Variants in AMMECR1 observed in about 807,000 individuals in gnomAD.
AMMECR1 encodes AMMECR nuclear protein 1.
A neutral mutation model predicts 22.5 loss-of-function variants in AMMECR1; 3 were observed. The ratio of observed to expected loss-of-function variants is 0.13; its 90% CI spans 0.06 to 0.35. AMMECR1 has a LOEUF of 0.35. AMMECR1 is among the 10% of genes least tolerant of loss of function. AMMECR1 has a pLI of 1.00. For synonymous variants in AMMECR1, 130 were observed against 116.7 expected, an observed-to-expected ratio of 1.11 and a Z score of -0.74; for missense variants, 235 against 278.7, an observed-to-expected ratio of 0.84 and a Z score of 1.12.
At chrX:110,258,880 A>G (rs111309541) in intron 2 of AMMECR1, among the ~76,000 whole-genome samples, 1,535 of 111,890 alleles carry the variant, frequency 0.014, 25 homozygotes, top group African/African-American at 0.047. Context: ...CAATGAGCCT[A>G]GAGTGGTTAC....
chrX:110,417,791 A>G (rs1299706447), intron 2 of AMMECR1, among the ~76,000 whole-genome samples: 1 of 112,345 alleles, frequency 8.9e-6, no homozygotes, highest in Non-Finnish European at 1.9e-5. Flanking sequence ...TGCAGATATT[A>G]TTTTACTGGC....
At chrX:110,351,007 T>C (rs2068209268) in intron 2 of AMMECR1, among the ~76,000 whole-genome samples, 1 of 111,691 alleles carries the variant, frequency 9.0e-6, no homozygotes, top group Non-Finnish European at 1.9e-5. Context: ...AGGATTTCAT[T>C]GCATCAAAAG....
intron 2 of AMMECR1, among the ~76,000 whole-genome samples, chrX:110,347,267 T>C (rs966559236): frequency 3.5e-5 from 4 of 113,421 alleles, no homozygotes; most frequent in Non-Finnish European, 7.5e-5. Flanking sequence ...CTGCTATTGT[T>C]AGCTTGCTTT....
intron 1 of AMMECR1, among the ~76,000 whole-genome samples, chrX:110,310,396 C>T (rs1211506236): frequency 9.0e-6 from 1 of 111,010 alleles, no homozygotes; most frequent in African/African-American, 3.3e-5. Flanking sequence ...CCTGCAGTGC[C>T]TCTCCATGCA....
At chrX:110,258,873 T>C (rs2067724108) in intron 2 of AMMECR1, among the ~76,000 whole-genome samples, 1 of 111,683 alleles carries the variant, frequency 9.0e-6, no homozygotes, top group African/African-American at 3.3e-5. Context: ...GTGTTCACAA[T>C]GAGCCTAGAG....
intron 2 of AMMECR1, among the ~76,000 whole-genome samples, chrX:110,324,967 G>A (rs1161095725): frequency 9.0e-6 from 1 of 110,526 alleles, no homozygotes; most frequent in African/African-American, 3.3e-5. Flanking sequence ...CTTTTCTTGT[G>A]ATGTTTTTGT....
At chrX:110,437,621 C>T in intron 1 of AMMECR1, among the ~76,000 whole-genome samples, 1 of 111,868 alleles carries the variant, frequency 8.9e-6, no homozygotes, top group East Asian at 2.8e-4. Flanking sequence ...CTCTTCATAC[C>T]TTATAGCTCT....
chrX:110,197,905 T>C lies in AMMECR1; in HGVS notation c.*615A>G, dbSNP rs1350991544. 8.9e-6 allele frequency: 1 copy of C among 111,868 alleles called. No individual in the cohort carries two copies. Among genetic ancestry groups the C allele is most frequent in the East Asian group, 2.8e-4 (1 of 3,607 alleles). The allele number at this position is 111,868 out of a possible 1,213,427, so 9.2% of individuals were successfully genotyped here. A position where few individuals can be genotyped will look rare whatever the true frequency, so the allele number is the denominator to read the frequency against. ...AACTAAAGTTCATGTATTTTCACCA[T>C]GGGAAAAACATATACTTAAGGAGTG... On this transcript the variant is annotated 3_prime_UTR_variant, in exon 6 of 6. Transcript: ENST00000262844.
chrX:110,397,527 T>C (rs1259297557), intron 2 of AMMECR1, among the ~76,000 whole-genome samples: 1 of 110,622 alleles, frequency 9.0e-6, no homozygotes, highest in Non-Finnish European at 1.9e-5. Flanking sequence ...GGCTAGAACC[T>C]CAGGGCTGGG....
chrX:110,218,193 C>T, intron 2 of AMMECR1, among the ~76,000 whole-genome samples: 1 of 110,943 alleles, frequency 9.0e-6, no homozygotes, highest in Non-Finnish European at 1.9e-5. Flanking sequence ...ACCCGCATCC[C>T]CCAACGCCAC....
intron 1 of AMMECR1, among the ~76,000 whole-genome samples, chrX:110,438,551 C>T (rs1426054067): frequency 9.0e-6 from 1 of 111,602 alleles, no homozygotes; most frequent in African/African-American, 3.3e-5. Context: ...TAAGAAACTT[C>T]ATGAATTACC....
At chrX:110,263,285 G>C (rs1374797537) in intron 2 of AMMECR1, among the ~76,000 whole-genome samples, 4 of 111,119 alleles carry the variant, frequency 3.6e-5, no homozygotes, top group Non-Finnish European at 7.6e-5. Context: ...TCCAGAATAT[G>C]TGTTTCAACC....
chrX:110,327,602 A>G (rs780131489), intron 2 of AMMECR1, among the ~76,000 whole-genome samples: 26 of 111,597 alleles, frequency 2.3e-4, no homozygotes, highest in Non-Finnish European at 3.0e-4. Context: ...GATAGTGTAT[A>G]TAGACAACTC....
chrX:110,433,961 G>A (rs1481526095), intron 1 of AMMECR1, among the ~76,000 whole-genome samples: 2 of 111,526 alleles, frequency 1.8e-5, no homozygotes, highest in African/African-American at 3.3e-5. Flanking sequence ...TCTAGTGGGA[G>A]GGACCGAGGC....
rs1312344260 is a variant in AMMECR1 at position 110,420,183 on chromosome X, G to A, written c.-148+6475C>T. ...ATTCTACTACAGCACTGGCCACATT[G>A]CAGAACAGGGGTTTGTTTACTTGTC... On this transcript the variant is annotated intron_variant, in intron 2 of 7. Transcript: ENST00000372057. Among the ~76,000 whole-genome samples, 21 of 111,851 alleles carry A rather than the reference G, an allele frequency of 1.9e-4. No homozygotes were observed. In the Admixed American group the frequency reaches 2.0e-3, roughly 11 times the overall value.
chrX:110,242,222 A>G lies in AMMECR1; in HGVS notation c.584+22267T>C, dbSNP rs374399586. On this transcript the variant is annotated intron_variant, in intron 2 of 5. Coordinates refer to ENST00000262844, the MANE Select transcript of AMMECR1 (RefSeq NM_015365.3). Reference sequence around the variant, plus strand: ...CTCCTTTACATATACAGAATTGTAAATCAGAGCAACAATATAAAAAAAATG... The same window carrying G: ...CTCCTTTACATATACAGAATTGTAAGTCAGAGCAACAATATAAAAAAAATG... 7.1e-5 allele frequency among the ~76,000 whole-genome samples: 8 copies of G among 112,008 alleles called. No individual in the cohort carries two copies. The East Asian group carries it at 1.4e-3, about 20-fold the overall frequency.
intron 2 of AMMECR1, among the ~76,000 whole-genome samples, chrX:110,402,654 G>A (rs2068573127): frequency 8.9e-6 from 1 of 112,697 alleles, no homozygotes; most frequent in Non-Finnish European, 1.9e-5. Context: ...GCTGGAGGCT[G>A]ATCTCATCCT....
Position 110,264,573 on chromosome X carries a change from C to T in AMMECR1, c.500G>A (p.Gly167Asp). 1.2e-5 allele frequency: 14 copies of T among 1,200,384 alleles called. No homozygotes were observed. The highest frequency in any genetic ancestry group is 1.6e-5 in the Non-Finnish European group (14 of 888,039). Residue 167 changes from glycine to aspartate, a missense_variant, in exon 2 of 6, where the codon GGT becomes GAT. Transcript: ENST00000262844. Reference protein sequence around the residue: ...PYPLFVTWKIGRDKRLRGCIG... With the variant: ...PYPLFVTWKIDRDKRLRGCIG... ...GCATCCACGTAATCTTTTGTCTCGA[C>T]CAATCTTCCATGTTACAAACAGTGG...
chrX:110,328,202 C>T (rs2068105236), intron 2 of AMMECR1, among the ~76,000 whole-genome samples: 1 of 111,915 alleles, frequency 8.9e-6, no homozygotes, highest in Non-Finnish European at 1.9e-5. Context: ...TCTTCTTAGG[C>T]CTTTAGCATA....
Sources: gnomAD v4.1 joint callset for allele counts (sites outside exome capture counted in the v4.1 genomes callset) on GRCh38, gnomAD v4.1.1 for gene constraint, MANE v1.5 for transcripts, NCBI Gene and HGNC (gene_info 2026-07-23, HGNC 2026-07-21) for gene names.